ANKRD6: variants seen among roughly 807,000 people sequenced by gnomAD.
The protein encoded by ANKRD6 is ankyrin repeat domain 6, also known as ankyrin repeat domain-containing protein 6.
A neutral mutation model predicts 82.3 loss-of-function variants in ANKRD6; 56 were observed. The ratio of observed to expected loss-of-function variants is 0.68; its 90% CI spans 0.55 to 0.85. The LOEUF is 0.85. ANKRD6 is among the 40% of genes least tolerant of loss of function. ANKRD6 has a pLI of 0.00. For synonymous variants in ANKRD6, 347 were observed against 352.1 expected, an observed-to-expected ratio of 0.99 and a Z score of 0.16; for missense variants, 852 against 907.6, an observed-to-expected ratio of 0.94 and a Z score of 0.79.
At chr6:89,440,324 G>A (rs1771211630) in intron 1 of ANKRD6, among the ~76,000 whole-genome samples, 5 of 152,164 alleles carry the variant, frequency 3.3e-5, no homozygotes, top group Admixed American at 2.0e-4. Context: ...GCGAATTGTA[G>A]GAAGGCAAAT....
In ANKRD6 at chr6:89,592,815, C is replaced by A. The variant is rs1795163202; in HGVS notation, c.121-3101C>A. Among the ~76,000 whole-genome samples, 10 of 152,206 alleles carry A rather than the reference C, an allele frequency of 6.6e-5. No homozygotes were observed. In the South Asian group the frequency reaches 2.1e-3, roughly 32 times the overall value. ...ACACACACAAAAAAACGTTGCCAGG[C>A]ACATGGCTCACACCTGTAATCCCAG... On this transcript the variant is annotated intron_variant, in intron 2 of 15. Coordinates refer to ENST00000339746, the MANE Select transcript of ANKRD6 (RefSeq NM_001242809.2).
At chr6:89,533,692 C>T (rs1227781390) in intron 1 of ANKRD6, among the ~76,000 whole-genome samples, 2 of 150,874 alleles carry the variant, frequency 1.3e-5, no homozygotes, top group Non-Finnish European at 1.5e-5. Context: ...TGCCTCCAGC[C>T]ATCACGAATG....
rs375399530 is a variant in ANKRD6, at chr6:89,630,873, A to C, written c.2053A>C (p.Arg685=). The C allele has an allele frequency of 1.2e-6, 2 of 1,613,824 alleles. No individual in the cohort carries two copies. Among genetic ancestry groups the C allele is most frequent in the African/African-American group, 2.7e-5 (2 of 75,054 alleles). Residue 685 remains arginine, a synonymous_variant, in exon 16 of 16, where the codon AGG becomes CGG. Transcript: ENST00000339746. ...VSTQMEKWYE[R]KIEEARSQAN... is the part of the protein sequence containing the mutation. ...TACCCAGATGGAAAAGTGGTATGAA[A>C]GGAAGATTGAAGAAGCACGAAGCCA...
intron 1 of ANKRD6, among the ~76,000 whole-genome samples, chr6:89,462,239 T>TAAAAATAATAAA (rs60355520): frequency 1.4e-5 from 2 of 143,242 alleles, no homozygotes; most frequent in Non-Finnish European, 3.0e-5. Context: ...CTCAAAATAA[T>TAAAAATAATAAA]AATAATAATA....
chr6:89,434,775 A>G (rs1451706414), intron 1 of ANKRD6, among the ~76,000 whole-genome samples: 1 of 152,070 alleles, frequency 6.6e-6, no homozygotes, highest in African/African-American at 2.4e-5. Context: ...TACATGTTAC[A>G]CTTTGTCATC....
In ANKRD6 at chr6:89,631,246, C is replaced by A; in HGVS notation, c.*242C>A. On this transcript the variant is annotated 3_prime_UTR_variant, in exon 16 of 16. Transcript: ENST00000339746. ...TTGGGTTTCATTATAAACTCTTAGC[C>A]TCAGTCCAGGTTAATCTGAAGTTTG... 1 of 573,094 alleles carries A rather than the reference C, an allele frequency of 1.7e-6. No individual in the cohort carries two copies. The highest frequency in any genetic ancestry group is 2.6e-6 in the Non-Finnish European group (1 of 384,200). The allele number at this position is 573,094 out of a possible 1,614,324, so 35.5% of individuals were successfully genotyped here.
intron 15 of ANKRD6, 25 bp from the exon 16 acceptor site, chr6:89,630,408 A>C: frequency 6.3e-7 from 1 of 1,591,476 alleles, no homozygotes; most frequent in Non-Finnish European, 8.6e-7. Flanking sequence ...ATTTGCTCTC[A>C]CGTTTGTTTT....
At chr6:89,499,689 G>A (rs1218385482) in intron 1 of ANKRD6, among the ~76,000 whole-genome samples, 11 of 152,088 alleles carry the variant, frequency 7.2e-5, no homozygotes, top group Non-Finnish European at 1.0e-4. Context: ...GGTAAGAAAC[G>A]TTAGTCTGCT....
At chr6:89,437,475 G>C (rs1179448947) in intron 1 of ANKRD6, among the ~76,000 whole-genome samples, 9 of 152,136 alleles carry the variant, frequency 5.9e-5, no homozygotes, top group Non-Finnish European at 1.3e-4. Context: ...ACATCTCTCT[G>C]TGCCCTCCTT....
intron 1 of ANKRD6, among the ~76,000 whole-genome samples, chr6:89,447,621 A>T (rs193089019): frequency 1.3e-5 from 2 of 152,376 alleles, no homozygotes; most frequent in Admixed American, 1.3e-4. Flanking sequence ...GGCTACACTG[A>T]CGAATAGATT....
At chr6:89,602,898 C>G in intron 3 of ANKRD6, 131 bp from the exon 4 acceptor site, 1 of 677,926 alleles carries the variant, frequency 1.5e-6, no homozygotes, top group Admixed American at 2.5e-5. Context: ...GGTAACCAAG[C>G]CCTTCTGCGA....
At chr6:89,444,198 G>T (rs1414680179) in intron 1 of ANKRD6, among the ~76,000 whole-genome samples, 1 of 152,178 alleles carries the variant, frequency 6.6e-6, no homozygotes, top group Admixed American at 6.5e-5. Flanking sequence ...ATCTCCAGAA[G>T]GTACTATCCT....
rs1778245712 is a variant in ANKRD6 at position 89,493,475 on chromosome 6, T to A, written c.-144+60100T>A. ...CCTAGTCTGGAATACGGTGGCATGA[T>A]CTCAGCTCACTGCAGCCTTGACCTC... On this transcript the variant is annotated intron_variant, in intron 1 of 15. Coordinates refer to ENST00000339746, the MANE Select transcript of ANKRD6 (RefSeq NM_001242809.2). Among the ~76,000 whole-genome samples the A allele has an allele frequency of 2.0e-5, 3 of 152,164 alleles. No individual in the cohort carries two copies. The South Asian group carries it at 6.2e-4, about 32-fold the overall frequency.
At chr6:89,607,987 G>A (rs949052115) in intron 5 of ANKRD6, among the ~76,000 whole-genome samples, 2 of 112,250 alleles carry the variant, frequency 1.8e-5, no homozygotes, top group Non-Finnish European at 3.9e-5. Context: ...TGGCCAGGCT[G>A]GTCTTGAACT....
At chr6:89,549,979 C>G (rs112936564) in intron 1 of ANKRD6, among the ~76,000 whole-genome samples, 15 of 152,022 alleles carry the variant, frequency 9.9e-5, no homozygotes, top group African/African-American at 3.6e-4. Flanking sequence ...CACTGTAGAC[C>G]TAGCTACTCA....
In ANKRD6 at chr6:89,629,246, A is replaced by G; in HGVS notation, c.1612+8A>G. Reference sequence around the variant, plus strand: ...CTTGTGAGTCCTCTACAGGTAACCCACACACAGAGAGCCCTTTTGTCCAAA... The same window carrying G: ...CTTGTGAGTCCTCTACAGGTAACCCGCACACAGAGAGCCCTTTTGTCCAAA... On this transcript the variant is annotated splice_region_variant and intron_variant, in intron 15 of 15. Transcript: ENST00000339746. 1 of 1,613,812 alleles carries G rather than the reference A, an allele frequency of 6.2e-7. No homozygotes were observed. The highest frequency in any genetic ancestry group is 1.1e-5 in the South Asian group (1 of 91,070).
chr6:89,497,360 G>A (rs1778742807), intron 1 of ANKRD6, among the ~76,000 whole-genome samples: 1 of 152,122 alleles, frequency 6.6e-6, no homozygotes, highest in African/African-American at 2.4e-5. Flanking sequence ...TCCTTGTCCT[G>A]GTAAGTTCCT....
rs1410386908 is a variant in ANKRD6, at chr6:89,621,968, G to A, written c.839G>A (p.Arg280Lys). 2 of 1,613,632 alleles carry A rather than the reference G, an allele frequency of 1.2e-6. No homozygotes were observed. Among genetic ancestry groups the A allele is most frequent in the Admixed American group, 3.3e-5 (2 of 60,032 alleles). ...RGRSLRKKRE[R>K]LKEERRAQSV... ...CGAAGCCTGAGGAAAAAGAGAGAGA[G>A]GCTCAAGGAAGAGAGGAGAGCCCAG... Residue 280 changes from arginine to lysine, a missense_variant, in exon 10 of 16, where the codon AGG becomes AAG. By Grantham distance (26) the Arg-to-Lys change is conservative. Transcript: ENST00000339746.
At chr6:89,624,375 C>A (rs1804834096) in intron 12 of ANKRD6, 164 bp from the exon 13 acceptor site, 2 of 891,894 alleles carry the variant, frequency 2.2e-6, no homozygotes, top group Non-Finnish European at 3.4e-6. Flanking sequence ...GTCTGCTACA[C>A]CCAAAATTTG....
Sources: gnomAD v4.1 joint callset for allele counts (sites outside exome capture counted in the v4.1 genomes callset) on GRCh38, gnomAD v4.1.1 for gene constraint, MANE v1.5 for transcripts, NCBI Gene and HGNC (gene_info 2026-07-23, HGNC 2026-07-21) for gene names.